ANXA4: variants seen among roughly 807,000 people sequenced by gnomAD.
ANXA4 encodes annexin A4, also known as 35-beta calcimedin.
A neutral mutation model predicts 49.8 loss-of-function variants in ANXA4; 39 were observed. The observed-to-expected ratio is 0.78, with a 90% CI of 0.61 to 1.02. The LOEUF is 1.02. Ranked by LOEUF, ANXA4 falls within the 50% of genes least tolerant of loss-of-function variation. ANXA4 has a pLI of 0.00. For synonymous variants in ANXA4, 134 were observed against 152.5 expected, an observed-to-expected ratio of 0.88 and a Z score of 0.89; for missense variants, 360 against 410.1, an observed-to-expected ratio of 0.88 and a Z score of 1.05.
In ANXA4 at chr2:69,675,328, T is replaced by C. The variant is rs1677367603; in HGVS notation, n.766+22046T>C. Among the ~76,000 whole-genome samples the C allele has an allele frequency of 2.0e-5, 3 of 152,248 alleles. No homozygotes were observed. In the South Asian group the frequency reaches 6.2e-4, roughly 31 times the overall value. Reference sequence around the variant, plus strand: ...TATATTCTGTTATTTCACTTACGTATATGATATGACTTCAAAATAAAATGG... The same window carrying C: ...TATATTCTGTTATTTCACTTACGTACATGATATGACTTCAAAATAAAATGG... On this transcript the variant is annotated intron_variant and non_coding_transcript_variant, in intron 2 of 3. Transcript: ENST00000418066.
upstream of ANXA4, among the ~76,000 whole-genome samples, chr2:69,644,267 C>T (rs150098049): frequency 1.4e-3 from 202 of 146,814 alleles, 1 homozygote; most frequent in African/African-American, 4.8e-3. Context: ...GGTTTCCGAA[C>T]GGATCGAGAC....
At chr2:69,748,491 T>C (rs145270841) in intron 1 of ANXA4, among the ~76,000 whole-genome samples, 6,715 of 150,528 alleles carry the variant, frequency 0.045, 303 homozygotes, top group African/African-American at 0.11. Context: ...ATTATATTAA[T>C]ATATTAATTA....
At chr2:69,750,924 G>C (rs950966166) in intron 1 of ANXA4, among the ~76,000 whole-genome samples, 1 of 152,048 alleles carries the variant, frequency 6.6e-6, no homozygotes, top group African/African-American at 2.4e-5. Context: ...CCTATCTTCA[G>C]CCAGACTATG....
rs1261579052 is a variant in ANXA4 at position 69,825,555 on chromosome 2, T to C, written c.*40T>C. 1.3e-6 allele frequency: 2 copies of C among 1,524,166 alleles called. No homozygotes were observed. Among genetic ancestry groups the C allele is most frequent in the Non-Finnish European group, 9.0e-7 (1 of 1,116,966 alleles). 94.4% of individuals were successfully genotyped at this position (1,524,166 alleles called of 1,614,324 possible). A position where few individuals can be genotyped will look rare whatever the true frequency, so the allele number is the denominator to read the frequency against. ...AAGGACAGGAGGATTCTCAACACTT[T>C]GAATTTTTTTAACTTCATTTTTCTA... On this transcript the variant is annotated 3_prime_UTR_variant, in exon 13 of 13. Transcript: ENST00000394295.
intron 2 of ANXA4, among the ~76,000 whole-genome samples, chr2:69,655,338 A>C (rs892001494): frequency 2.0e-5 from 3 of 152,208 alleles, no homozygotes; most frequent in Non-Finnish European, 2.9e-5. Context: ...CAAGAAAAAA[A>C]CAGACAACCC....
At chr2:69,650,444 C>T (rs1220647134) in intron 1 of ANXA4, among the ~76,000 whole-genome samples, 1 of 152,012 alleles carries the variant, frequency 6.6e-6, no homozygotes, top group African/African-American at 2.4e-5. Flanking sequence ...AGTTACACTC[C>T]TTGCCTTCAA....
intron 2 of ANXA4, among the ~76,000 whole-genome samples, chr2:69,696,818 A>G (rs985676748): frequency 1.3e-5 from 2 of 152,238 alleles, no homozygotes; most frequent in African/African-American, 4.8e-5. Flanking sequence ...TATATTAAAA[A>G]GGAATCTTTT....
intron 1 of ANXA4, among the ~76,000 whole-genome samples, chr2:69,749,241 G>T (rs1245637988): frequency 6.6e-6 from 1 of 152,200 alleles, no homozygotes; most frequent in Non-Finnish European, 1.5e-5. Context: ...GAAAACTCAG[G>T]GAAGGGACTA....
At chr2:69,650,907 A>G (rs1000492587) in intron 1 of ANXA4, among the ~76,000 whole-genome samples, 5 of 152,052 alleles carry the variant, frequency 3.3e-5, no homozygotes, top group Non-Finnish European at 5.9e-5. Flanking sequence ...AGGCTGAACA[A>G]TTTTTCTTGT....
chr2:69,804,458 A>T, intron 3 of ANXA4, 75 bp from the exon 4 acceptor site: 1 of 1,357,020 alleles, frequency 7.4e-7, no homozygotes, highest in Non-Finnish European at 1.0e-6. Flanking sequence ...GGGTAACTCC[A>T]ATGTCCACAG....
At chr2:69,720,097 A>G (rs973861988) in intron 2 of ANXA4, among the ~76,000 whole-genome samples, 6 of 152,312 alleles carry the variant, frequency 3.9e-5, no homozygotes, top group African/African-American at 1.4e-4. Context: ...CCCTCCAAAT[A>G]AGCAAGCAGA....
At chr2:69,793,284 T>G (rs1397967538) in intron 3 of ANXA4, among the ~76,000 whole-genome samples, 1 of 151,704 alleles carries the variant, frequency 6.6e-6, no homozygotes, top group Non-Finnish European at 1.5e-5. Context: ...CCTTAAAACA[T>G]TTAGCAAACT....
chr2:69,764,841 G>A (rs940766794), intron 1 of ANXA4, among the ~76,000 whole-genome samples: 2 of 152,130 alleles, frequency 1.3e-5, no homozygotes, highest in Non-Finnish European at 2.9e-5. Context: ...CTATTTAGCT[G>A]TAACTCCCTC....
intron 2 of ANXA4, among the ~76,000 whole-genome samples, chr2:69,719,260 CTTTTTT>C (rs1192269262): frequency 3.0e-5 from 2 of 66,570 alleles, no homozygotes; most frequent in Admixed American, 1.9e-4. Context: ...ATTTTCCAGT[CTTTTTT>C]TTTTTTTTTT....
chr2:69,655,668 C>T (rs1247087989), intron 2 of ANXA4, among the ~76,000 whole-genome samples: 1 of 152,094 alleles, frequency 6.6e-6, no homozygotes, highest in Non-Finnish European at 1.5e-5. Context: ...CCCAGCAATC[C>T]CATTACTGAG....
At chr2:69,700,344 A>C (rs1678292754) in intron 2 of ANXA4, 1 of 152,160 alleles carries the variant, frequency 6.6e-6, no homozygotes. Context: ...GCACCACTGC[A>C]CTCCAGCTTG....
At chr2:69,800,576 G>T (rs562762023) in intron 3 of ANXA4, among the ~76,000 whole-genome samples, 1 of 152,306 alleles carries the variant, frequency 6.6e-6, no homozygotes, top group East Asian at 1.9e-4. Flanking sequence ...TCCCACTGGG[G>T]TTCAAAGAGA....
chr2:69,761,087 C>A (rs1357304405), intron 1 of ANXA4, among the ~76,000 whole-genome samples: 1 of 151,524 alleles, frequency 6.6e-6, no homozygotes, highest in Non-Finnish European at 1.5e-5. Flanking sequence ...TAATTACATT[C>A]AAAAAAGTAA....
At chr2:69,703,110 G>C (rs1294158072) in intron 2 of ANXA4, among the ~76,000 whole-genome samples, 1 of 152,038 alleles carries the variant, frequency 6.6e-6, no homozygotes, top group Non-Finnish European at 1.5e-5. Flanking sequence ...TTTCTCACCT[G>C]TAAAACATCT....
Sources: gnomAD v4.1 joint callset for allele counts (sites outside exome capture counted in the v4.1 genomes callset) on GRCh38, gnomAD v4.1.1 for gene constraint, MANE v1.5 for transcripts, NCBI Gene and HGNC (gene_info 2026-07-23, HGNC 2026-07-21) for gene names.